Variants in ZNF469 observed in about 807,000 individuals in gnomAD.
ZNF469 encodes the protein zinc finger protein 469.
Under a neutral mutation model 1.0 loss-of-function variants are expected in ZNF469, and 1 was observed. The ratio of observed to expected loss-of-function variants is 1.00; its 90% CI spans 0.35 to 4.73. The LOEUF is 4.73. ZNF469 is among the 30% of genes most tolerant of loss of function. The pLI, the probability that ZNF469 is intolerant of heterozygous loss-of-function variation, is 0.16. For synonymous variants in ZNF469, 2,703 were observed against 2,363.4 expected (o/e 1.14, Z -4.17); for missense variants, 6,100 against 5,356.3 (o/e 1.14, Z -4.33).
At chr16:88,160,896 A>G in the ZNF469 span, among the ~76,000 whole-genome samples, 2 of 152,236 alleles carry the variant, frequency 1.3e-5, no homozygotes, top group Non-Finnish European at 2.9e-5. Context: ...TAATCCCAGC[A>G]CTTTGGGAGG....
the ZNF469 span, among the ~76,000 whole-genome samples, chr16:88,212,904 C>G: frequency 6.6e-6 from 1 of 152,138 alleles, no homozygotes; most frequent in African/African-American, 2.4e-5. Context: ...GTTCCATCAA[C>G]TTGTACCTTG....
chr16:88,272,578 A>T, the ZNF469 span, among the ~76,000 whole-genome samples: 1 of 151,766 alleles, frequency 6.6e-6, no homozygotes, highest in Non-Finnish European at 1.5e-5. Flanking sequence ...GAGTGGATAG[A>T]TGAATGAACA....
chr16:88,372,224 C>T, the ZNF469 span, among the ~76,000 whole-genome samples: 1 of 7,632 alleles, frequency 1.3e-4, no homozygotes, highest in African/African-American at 4.3e-4. Flanking sequence ...ACCATCACCA[C>T]TATCATCACC....
the ZNF469 span, among the ~76,000 whole-genome samples, chr16:88,226,386 T>G: frequency 2.6e-5 from 4 of 152,010 alleles, no homozygotes; most frequent in Admixed American, 2.0e-4. Context: ...AGGCAGAGGC[T>G]GGCGTGGTGC....
the ZNF469 span, among the ~76,000 whole-genome samples, chr16:88,375,716 C>T: frequency 1.3e-5 from 2 of 152,382 alleles, no homozygotes; most frequent in African/African-American, 2.4e-5. Context: ...CTCTGGCACC[C>T]GGCCTGGTCA....
At chr16:88,309,800 T>C in the ZNF469 span, among the ~76,000 whole-genome samples, 1 of 151,658 alleles carries the variant, frequency 6.6e-6, no homozygotes, top group Admixed American at 6.6e-5. Context: ...TCTCCTCAAA[T>C]GCTGGCCTCC....
At chr16:88,422,955 G>A (rs1371204743) in intron 1 of ZNF469, among the ~76,000 whole-genome samples, 1 of 150,672 alleles carries the variant, frequency 6.6e-6, no homozygotes, top group Non-Finnish European at 1.5e-5. Flanking sequence ...GATGATGGAT[G>A]AGTGGATGGA....
At chr16:88,380,906 T>TCA (rs1404695619), upstream of ZNF469, among the ~76,000 whole-genome samples, 1 of 53,808 alleles carries the variant, frequency 1.9e-5, no homozygotes, top group Non-Finnish European at 3.2e-5. Context: ...TCACACACAC[T>TCA]CACAGACATG....
chr16:88,377,734 G>A, the ZNF469 span, among the ~76,000 whole-genome samples: 1 of 151,474 alleles, frequency 6.6e-6, no homozygotes, highest in Non-Finnish European at 1.5e-5. Context: ...CCTTCCCCCT[G>A]TCCCAGCTGG....
At chr16:88,316,939 C>G in the ZNF469 span, among the ~76,000 whole-genome samples, 8 of 152,158 alleles carry the variant, frequency 5.3e-5, no homozygotes, top group Admixed American at 3.3e-4. Context: ...ACAGAAAACT[C>G]CAGATCCCAC....
At chr16:88,136,394 G>C in the ZNF469 span, among the ~76,000 whole-genome samples, 1 of 152,256 alleles carries the variant, frequency 6.6e-6, no homozygotes, top group Admixed American at 6.5e-5. Context: ...CAGCTGTCCT[G>C]AGCTTTGAGG....
chr16:88,334,000 G>C, the ZNF469 span, among the ~76,000 whole-genome samples: 6 of 150,440 alleles, frequency 4.0e-5, no homozygotes, highest in African/African-American at 1.5e-4. Flanking sequence ...GTGTGTCTGT[G>C]TCTATGTGTT....
chr16:88,418,414 G>A (rs1905360936), intron 1 of ZNF469, among the ~76,000 whole-genome samples: 1 of 152,116 alleles, frequency 6.6e-6, no homozygotes, highest in South Asian at 2.1e-4. Context: ...ATGACCCCCT[G>A]AATATTGGCC....
At chr16:88,118,172 A>T in the ZNF469 span, among the ~76,000 whole-genome samples, 2 of 152,072 alleles carry the variant, frequency 1.3e-5, no homozygotes, top group Non-Finnish European at 2.9e-5. Flanking sequence ...CAAACTCCTG[A>T]CCTCAGGTGA....
chr16:88,288,260 A>G, the ZNF469 span, among the ~76,000 whole-genome samples: 3 of 151,988 alleles, frequency 2.0e-5, no homozygotes, highest in Admixed American at 2.0e-4. Flanking sequence ...GTTTTCATGG[A>G]GCATGCCCCC....
the ZNF469 span, among the ~76,000 whole-genome samples, chr16:88,290,761 A>G: frequency 6.6e-6 from 1 of 152,302 alleles, no homozygotes; most frequent in Admixed American, 6.5e-5. Context: ...GAGGTTTTCA[A>G]TACATGTCTG....
chr16:88,295,603 T>G, the ZNF469 span, among the ~76,000 whole-genome samples: 1 of 152,174 alleles, frequency 6.6e-6, no homozygotes, highest in South Asian at 2.1e-4. Flanking sequence ...GAGGGCTATC[T>G]GAAAGCGCTG....
chr16:88,166,567 C>A, the ZNF469 span, among the ~76,000 whole-genome samples: 1 of 152,164 alleles, frequency 6.6e-6, no homozygotes, highest in Admixed American at 6.5e-5. This position sits in a 1 kb window ranked among gnomAD's most constrained non-coding sequence, Gnocchi z 4.5. Flanking sequence ...CGTGTCCCTC[C>A]TGCACCCCTT....
At chr16:88,137,737 A>G in the ZNF469 span, among the ~76,000 whole-genome samples, 2 of 152,228 alleles carry the variant, frequency 1.3e-5, no homozygotes, top group African/African-American at 4.8e-5. Flanking sequence ...AAGACAGCCA[A>G]GGGGTTATTG....
Sources: allele counts gnomAD v4.1 joint callset (sites outside exome capture counted in the v4.1 genomes callset), GRCh38; gene constraint gnomAD v4.1.1; non-coding constraint Gnocchi (gnomAD v3.1); transcripts MANE v1.5; gene names NCBI Gene and HGNC (gene_info 2026-07-23, HGNC 2026-07-21).